The following TUSC3 variants were observed in gnomAD, a reference collection of about 807,000 sequenced individuals.
TUSC3 encodes the protein dolichyl-diphosphooligosaccharide--protein glycosyltransferase subunit TUSC3.
In TUSC3, 45 loss-of-function variants were observed where a neutral mutation model predicts 44.8. That is an observed-to-expected ratio of 1.00 (90% CI 0.79 to 1.29). The LOEUF is 1.29. Ranked by LOEUF, TUSC3 falls within the 50% of genes most tolerant of loss-of-function variation. The pLI is 0.00. For missense variants in TUSC3, 519 were observed against 437.9 expected (o/e 1.19, Z -1.65); for synonymous variants, 212 against 152.9 (o/e 1.39, Z -2.85).
chr8:15,483,936 C>T (rs975676933), intron 2 of TUSC3, among the ~76,000 whole-genome samples: 1 of 151,974 alleles, frequency 6.6e-6, no homozygotes, highest in Non-Finnish European at 1.5e-5. Context: ...GGATTACAGG[C>T]GTGAGCCACC....
At chr8:15,770,429 GA>G (rs1265116776), downstream of TUSC3, among the ~76,000 whole-genome samples, 2 of 152,100 alleles carry the variant, frequency 1.3e-5, no homozygotes, top group Non-Finnish European at 2.9e-5. Flanking sequence ...GCTGGGGAGA[GA>G]TAGCATTAGG....
intron 1 of TUSC3, among the ~76,000 whole-genome samples, chr8:15,462,331 C>G (rs531234224): frequency 3.9e-4 from 59 of 152,078 alleles, no homozygotes; most frequent in African/African-American, 1.4e-3. Context: ...AAACAGATAA[C>G]TATAAAAATT....
At chr8:15,730,463 T>G (rs893936662) in intron 6 of TUSC3, among the ~76,000 whole-genome samples, 24 of 152,090 alleles carry the variant, frequency 1.6e-4, no homozygotes, top group African/African-American at 5.3e-4. Flanking sequence ...CCACCTAGAG[T>G]TTACAATAGT....
chr8:15,769,637 C>G (rs931151652), downstream of TUSC3, among the ~76,000 whole-genome samples: 1 of 152,120 alleles, frequency 6.6e-6, no homozygotes, highest in Admixed American at 6.5e-5. Context: ...TTAGAGCAAA[C>G]AGACAACCTA....
chr8:15,520,762 A>G (rs2129129337), intron 2 of TUSC3, among the ~76,000 whole-genome samples: 1 of 152,288 alleles, frequency 6.6e-6, no homozygotes, highest in Admixed American at 6.5e-5. Context: ...AATTTCCTAC[A>G]AACACCATAA....
chr8:15,570,512 A>G, intron 1 of TUSC3, among the ~76,000 whole-genome samples: 1 of 151,656 alleles, frequency 6.6e-6, no homozygotes, highest in South Asian at 2.1e-4. Flanking sequence ...AAATGACTTT[A>G]AAAACATGTG....
At chr8:15,523,726 A>ATATATATATATATATATATATAT (rs1563273722) in intron 2 of TUSC3, among the ~76,000 whole-genome samples, 2 of 134,664 alleles carry the variant, frequency 1.5e-5, no homozygotes, top group Admixed American at 7.6e-5. Context: ...ATATATATAT[A>ATATATATATATATATATATATAT]AAGTAGTTCT....
chr8:15,472,718 A>C (rs1800510398), intron 1 of TUSC3, among the ~76,000 whole-genome samples: 1 of 152,182 alleles, frequency 6.6e-6, no homozygotes, highest in Non-Finnish European at 1.5e-5. Context: ...GGTTAATTAT[A>C]AATGTTTTAT....
At chr8:15,664,495 G>C (rs1807570336) in intron 5 of TUSC3, among the ~76,000 whole-genome samples, 1 of 147,516 alleles carries the variant, frequency 6.8e-6, no homozygotes, top group Non-Finnish European at 1.5e-5. Context: ...CTCTTTTACT[G>C]TGAATCTTGG....
chr8:15,666,477 GAGATTAGTATATGTC>G (rs758266892), intron 5 of TUSC3, among the ~76,000 whole-genome samples: 68 of 151,278 alleles, frequency 4.5e-4, no homozygotes, highest in Non-Finnish European at 3.1e-4. Context: ...TTCAACATTG[GAGATTAGTATATGTC>G]ATTATACAGT....
chr8:15,849,909 A>G, the TUSC3 span, among the ~76,000 whole-genome samples: 1 of 152,274 alleles, frequency 6.6e-6, no homozygotes, highest in East Asian at 1.9e-4. Context: ...TGGCGAAGGA[A>G]AATAAAGACA....
chr8:15,432,748 G>A (rs919734826), intron 1 of TUSC3, among the ~76,000 whole-genome samples: 6 of 145,792 alleles, frequency 4.1e-5, no homozygotes, highest in South Asian at 2.4e-4. Flanking sequence ...CCCTCACCCC[G>A]CCCCCACACC....
chr8:15,777,512 A>G, the TUSC3 span, among the ~76,000 whole-genome samples: 7 of 151,942 alleles, frequency 4.6e-5, no homozygotes, highest in Non-Finnish European at 1.0e-4. Flanking sequence ...TCACTGTGCT[A>G]TATTTAAGTA....
At chr8:15,708,586 T>C (rs1809713541) in intron 6 of TUSC3, among the ~76,000 whole-genome samples, 1 of 151,970 alleles carries the variant, frequency 6.6e-6, no homozygotes, top group Admixed American at 6.6e-5. Context: ...TTGAGAATGC[T>C]TTGGGAGGCA....
chr8:15,661,781 A>G (rs1457393891), intron 4 of TUSC3, among the ~76,000 whole-genome samples: 1 of 137,770 alleles, frequency 7.3e-6, no homozygotes, highest in Non-Finnish European at 1.6e-5. Context: ...TTTTTCTATA[A>G]GATACTTACA....
intron 2 of TUSC3, among the ~76,000 whole-genome samples, chr8:15,502,221 A>G (rs1394300173): frequency 6.6e-6 from 1 of 152,238 alleles, no homozygotes; most frequent in Non-Finnish European, 1.5e-5. Context: ...GCTGAAGTCT[A>G]CAAACTGCTT....
chr8:15,681,873 C>T (rs1372654752), intron 6 of TUSC3, among the ~76,000 whole-genome samples: 1 of 151,948 alleles, frequency 6.6e-6, no homozygotes, highest in Admixed American at 6.6e-5. Flanking sequence ...TCTTTGCTGT[C>T]ATTTGATTCA....
At chr8:15,578,829 A>G (rs562535899) in intron 1 of TUSC3, among the ~76,000 whole-genome samples, 3 of 152,254 alleles carry the variant, frequency 2.0e-5, no homozygotes, top group East Asian at 3.9e-4. Flanking sequence ...GCTGGCCCTC[A>G]TAAAATGAGT....
At chr8:15,609,152 T>G (rs778627733) in intron 1 of TUSC3, among the ~76,000 whole-genome samples, 1 of 152,208 alleles carries the variant, frequency 6.6e-6, no homozygotes, top group Non-Finnish European at 1.5e-5. Flanking sequence ...CTGAAAAAAT[T>G]AACTCAATTT....
Sources: gnomAD v4.1 joint callset for allele counts (sites outside exome capture counted in the v4.1 genomes callset) on GRCh38, gnomAD v4.1.1 for gene constraint, MANE v1.5 for transcripts, NCBI Gene and HGNC (gene_info 2026-07-23, HGNC 2026-07-21) for gene names.